L3MBTL4: variants seen among roughly 807,000 people sequenced by gnomAD.
The protein encoded by L3MBTL4 is lethal(3)malignant brain tumor-like protein 4.
Under a neutral mutation model 84.5 loss-of-function variants are expected in L3MBTL4, and 70 were observed. That is an observed-to-expected ratio of 0.83 (90% confidence interval 0.68 to 1.01). The LOEUF is 1.01. L3MBTL4 is among the 50% of genes least tolerant of loss of function. L3MBTL4 has a pLI of 0.00. For missense variants in L3MBTL4, 715 were observed against 754.8 expected (o/e 0.95, Z 0.62); for synonymous variants, 274 against 259.8 (o/e 1.05, Z -0.52).
intron 1 of L3MBTL4, among the ~76,000 whole-genome samples, chr18:6,373,978 G>A (rs752422581): frequency 5.3e-5 from 8 of 152,066 alleles, no homozygotes; most frequent in Non-Finnish European, 7.4e-5. Context: ...CAAAATTTTT[G>A]GGTTTAAGAG....
intron 4 of L3MBTL4, among the ~76,000 whole-genome samples, chr18:6,287,892 A>G (rs1276075248): frequency 6.6e-6 from 1 of 152,184 alleles, no homozygotes; most frequent in Non-Finnish European, 1.5e-5. Flanking sequence ...AAATTTAGAA[A>G]TTAGCCAGGT....
chr18:6,260,736 C>T (rs769320169), intron 5 of L3MBTL4: 8 of 152,154 alleles, frequency 5.3e-5, no homozygotes, highest in Non-Finnish European at 7.3e-5. Flanking sequence ...TTCAACATTT[C>T]GGTGTCAAAA....
In L3MBTL4 at chr18:6,409,697, C is replaced by T. The variant is rs143318958; in HGVS notation, c.-91+5104G>A. On this transcript the variant is annotated intron_variant, in intron 1 of 18. Transcript: ENST00000317931. ...CACCATCACCGAAAAGGGGAAAAGC[C>T]CACATTTGCTAAGCTCCAAAACCAT... is the stretch of plus-strand genomic sequence containing the variant. 4.9e-3 allele frequency among the ~76,000 whole-genome samples: 739 copies of T among 152,208 alleles called. 9 individuals are homozygous for T. The highest frequency in any genetic ancestry group is 0.016 in the African/African-American group (658 of 41,506).
chr18:6,201,265 C>A (rs1446208882), intron 12 of L3MBTL4, among the ~76,000 whole-genome samples: 1 of 152,144 alleles, frequency 6.6e-6, no homozygotes, highest in Non-Finnish European at 1.5e-5. Flanking sequence ...CCCACTGCAA[C>A]AAGTAGAAAC....
intron 1 of L3MBTL4, among the ~76,000 whole-genome samples, chr18:6,346,454 C>T (rs1255141387): frequency 2.6e-5 from 4 of 151,558 alleles, no homozygotes; most frequent in African/African-American, 7.3e-5. Context: ...TGATAAGGGG[C>T]TAATATACAA....
At chr18:6,149,498 G>A (rs566601888) in intron 13 of L3MBTL4, among the ~76,000 whole-genome samples, 9 of 150,174 alleles carry the variant, frequency 6.0e-5, no homozygotes, top group South Asian at 2.1e-4. Flanking sequence ...GAATAGTGCC[G>A]CAATAAACAT....
intron 16 of L3MBTL4, among the ~76,000 whole-genome samples, chr18:5,984,137 C>T (rs1231669292): frequency 6.6e-6 from 1 of 152,116 alleles, no homozygotes; most frequent in Admixed American, 6.5e-5. Flanking sequence ...GTCTTGAACT[C>T]CTGACCTCAG....
At chr18:5,969,730 C>T (rs1363485912) in intron 16 of L3MBTL4, among the ~76,000 whole-genome samples, 168 bp from the exon 17 acceptor site, 1 of 152,180 alleles carries the variant, frequency 6.6e-6, no homozygotes, top group East Asian at 1.9e-4. Context: ...CCTATGCCAC[C>T]AGTCTGTTTT....
At chr18:6,124,506 T>C (rs2059626704) in intron 14 of L3MBTL4, among the ~76,000 whole-genome samples, 1 of 150,942 alleles carries the variant, frequency 6.6e-6, no homozygotes, top group African/African-American at 2.4e-5. Context: ...ACACTATCAA[T>C]ACATGGTAGC....
chr18:6,155,376 G>T (rs111311405), intron 13 of L3MBTL4, among the ~76,000 whole-genome samples: 16 of 152,258 alleles, frequency 1.1e-4, no homozygotes, highest in African/African-American at 3.9e-4. Context: ...ACATAGTAGG[G>T]CGAGGCTACT....
chr18:6,351,772 C>T (rs1029121941), intron 1 of L3MBTL4, among the ~76,000 whole-genome samples: 1 of 151,992 alleles, frequency 6.6e-6, no homozygotes. Context: ...AGGATGGTCT[C>T]AATCTCCTGA....
At position 6,411,273 on chromosome 18, in the gene L3MBTL4, T is replaced by TTA. The variant is rs1555764636; in HGVS notation, c.-91+3527_-91+3528insTA. ...CACTGTAGTAAATAGTGCATTTTTT[T>TTA]ATGGACCTAAGTAGTTTTCTTCAAT... On this transcript the variant is annotated intron_variant, in intron 1 of 18. Transcript: ENST00000317931. Among the ~76,000 whole-genome samples, 992 of 152,030 alleles carry TTA rather than the reference T, an allele frequency of 6.5e-3. 6 individuals carry two copies. Among genetic ancestry groups the TTA allele is most frequent in the African/African-American group, 0.023 (937 of 41,446 alleles).
intron 16 of L3MBTL4, among the ~76,000 whole-genome samples, chr18:5,990,764 CATGTGG>C (rs373933694): frequency 9.1e-5 from 11 of 120,930 alleles, no homozygotes; most frequent in African/African-American, 4.0e-4. Flanking sequence ...TAGTAGGGTT[CATGTGG>C]GTGTGTGTGT....
At chr18:6,155,522 T>C (rs1294640030) in intron 13 of L3MBTL4, among the ~76,000 whole-genome samples, 1 of 152,206 alleles carries the variant, frequency 6.6e-6, no homozygotes, top group East Asian at 1.9e-4. Flanking sequence ...CACAGAGCTG[T>C]TATCCCAAAG....
intron 16 of L3MBTL4, among the ~76,000 whole-genome samples, chr18:5,983,054 T>C (rs990095572): frequency 2.0e-5 from 3 of 152,200 alleles, no homozygotes; most frequent in African/African-American, 4.8e-5. Context: ...GACAGTAATA[T>C]GAAAACTGAT....
intron 16 of L3MBTL4, among the ~76,000 whole-genome samples, chr18:5,995,117 C>T (rs1334691737): frequency 3.3e-5 from 5 of 152,262 alleles, no homozygotes; most frequent in South Asian, 2.1e-4. Context: ...GAAACATGTG[C>T]GTCCAGGAGG....
intron 12 of L3MBTL4, among the ~76,000 whole-genome samples, chr18:6,204,164 T>C (rs2045769977): frequency 6.6e-6 from 1 of 152,222 alleles, no homozygotes; most frequent in Non-Finnish European, 1.5e-5. Flanking sequence ...CTTTTTTCTA[T>C]TGCCACACCC....
At chr18:6,255,134 T>C (rs1173867932) in intron 5 of L3MBTL4, among the ~76,000 whole-genome samples, 2 of 152,090 alleles carry the variant, frequency 1.3e-5, no homozygotes, top group African/African-American at 2.4e-5. Flanking sequence ...CCAGAGAAAA[T>C]AGACAAGGAT....
chr18:6,186,148 G>A (rs976653437), intron 12 of L3MBTL4, among the ~76,000 whole-genome samples: 1 of 151,934 alleles, frequency 6.6e-6, no homozygotes, highest in African/African-American at 2.4e-5. Context: ...AAGTAGCCGG[G>A]ACTACAGGTG....
Sources: allele counts gnomAD v4.1 joint callset (sites outside exome capture counted in the v4.1 genomes callset), GRCh38; gene constraint gnomAD v4.1.1; transcripts MANE v1.5; gene names NCBI Gene and HGNC (gene_info 2026-07-23, HGNC 2026-07-21).